SLC35D2: variants seen among roughly 807,000 people sequenced by gnomAD.
SLC35D2 encodes the protein solute carrier family 35 member D2, also known as nucleotide sugar transporter SLC35D2.
A neutral mutation model predicts 41.8 loss-of-function variants in SLC35D2; 43 were observed. The observed-to-expected ratio is 1.03, with a 90% confidence interval of 0.81 to 1.33. The LOEUF is 1.33. SLC35D2 is among the 40% of genes most tolerant of loss of function. The pLI is 0.00. For synonymous variants in SLC35D2, 150 were observed against 163.9 expected (o/e 0.92, Z 0.65); for missense variants, 380 against 408.4 (o/e 0.93, Z 0.60).
chr9:96,317,839 C>G (rs1228571213), downstream of SLC35D2, among the ~76,000 whole-genome samples: 1 of 147,578 alleles, frequency 6.8e-6, no homozygotes, highest in Non-Finnish European at 1.5e-5. Flanking sequence ...ACCTGACCAA[C>G]TGGTGAAACC....
chr9:96,370,066 C>T (rs906248909), intron 1 of SLC35D2, among the ~76,000 whole-genome samples: 6 of 152,056 alleles, frequency 3.9e-5, no homozygotes, highest in African/African-American at 1.4e-4. Context: ...AGAAAGCTGC[C>T]GGATAATAGC....
intron 8 of SLC35D2, among the ~76,000 whole-genome samples, chr9:96,340,722 T>C (rs188188425): frequency 1.3e-5 from 2 of 151,178 alleles, no homozygotes; most frequent in African/African-American, 4.8e-5. Context: ...ATTATGGTTA[T>C]AACTATACTC....
intron 4 of SLC35D2, among the ~76,000 whole-genome samples, chr9:96,354,182 T>A (rs974799447): frequency 6.6e-6 from 1 of 152,246 alleles, no homozygotes; most frequent in Non-Finnish European, 1.5e-5. Flanking sequence ...AAAAAGTGAA[T>A]GTTTTCCGCC....
At chr9:96,314,801 G>A (rs1828011594) in exon 12 of SLC35D2, 1 of 152,148 alleles carries the variant, frequency 6.6e-6, no homozygotes. Context: ...GAGAATTCAG[G>A]TGGTCTTCTC....
intron 3 of SLC35D2, among the ~76,000 whole-genome samples, chr9:96,360,759 G>A (rs926747553): frequency 6.7e-5 from 10 of 149,168 alleles, no homozygotes; most frequent in African/African-American, 2.2e-4. Flanking sequence ...TTTATTTTTT[G>A]AGACAGAGTT....
chr9:96,371,667 G>A (rs1830690362), intron 1 of SLC35D2, among the ~76,000 whole-genome samples: 1 of 144,942 alleles, frequency 6.9e-6, no homozygotes, highest in Non-Finnish European at 1.5e-5. Context: ...AATTCTTTCA[G>A]TTGAACTTCT....
At chr9:96,383,253 C>G (rs1244343241) in intron 1 of SLC35D2, among the ~76,000 whole-genome samples, 1 of 152,200 alleles carries the variant, frequency 6.6e-6, no homozygotes, top group Non-Finnish European at 1.5e-5. Flanking sequence ...CGCCTCGCAG[C>G]AGGGCAGGCG....
rs71368250 is a variant in SLC35D2 at position 96,372,574 on chromosome 9, CTTTTTT to C, written c.159-4275_159-4270del. 1.0e-4 allele frequency among the ~76,000 whole-genome samples: 9 copies of C among 90,166 alleles called. No homozygotes were observed. In the South Asian group the frequency reaches 1.1e-3, roughly 11 times the overall value. 59.2% of individuals were successfully genotyped at this position (90,166 alleles called of 152,430 possible). A position where few individuals can be genotyped will look rare whatever the true frequency, so the allele number is the denominator to read the frequency against. On this transcript the variant is annotated intron_variant, in intron 1 of 11. Transcript: ENST00000253270. ...TCTGAGCTAAATAATTAAATAATTACTTTTTTTTTTTTTTTTTTTTTTTTTTTTGAG... is the reference window on the plus strand; with the variant it reads ...TCTGAGCTAAATAATTAAATAATTACTTTTTTTTTTTTTTTTTTTTTTGAG...
At chr9:96,320,465 G>C (rs185159465), downstream of SLC35D2, among the ~76,000 whole-genome samples, 1 of 150,826 alleles carries the variant, frequency 6.6e-6, no homozygotes, top group Non-Finnish European at 1.5e-5. Context: ...GCAGTGAGCC[G>C]AGATTGCACC....
At chr9:96,375,367 C>G (rs1003741002) in intron 1 of SLC35D2, among the ~76,000 whole-genome samples, 1 of 151,462 alleles carries the variant, frequency 6.6e-6, no homozygotes, top group Non-Finnish European at 1.5e-5. Flanking sequence ...CACCTGATGT[C>G]AGGAGTTCGA....
intron 3 of SLC35D2, among the ~76,000 whole-genome samples, chr9:96,361,427 C>T (rs1190004058): frequency 6.6e-6 from 1 of 152,128 alleles, no homozygotes; most frequent in Admixed American, 6.6e-5. Flanking sequence ...TGGCTCACAC[C>T]TGTAATTCTA....
chr9:96,359,146 T>C (rs1830160547), intron 4 of SLC35D2, among the ~76,000 whole-genome samples: 1 of 151,092 alleles, frequency 6.6e-6, no homozygotes, highest in African/African-American at 2.4e-5. Context: ...CTACTAAAAA[T>C]ACAAAAAATT....
chr9:96,319,179 G>A (rs546497270), downstream of SLC35D2, among the ~76,000 whole-genome samples: 6 of 152,290 alleles, frequency 3.9e-5, no homozygotes, highest in South Asian at 1.0e-3. Context: ...ACATTCAGAC[G>A]TAAGGAAGGA....
chr9:96,353,955 A>G (rs1050932930), intron 4 of SLC35D2, among the ~76,000 whole-genome samples: 1 of 152,214 alleles, frequency 6.6e-6, no homozygotes, highest in Non-Finnish European at 1.5e-5. Flanking sequence ...ACCCCAGCAC[A>G]GGCTTCACAT....
In SLC35D2 at chr9:96,350,347, C is replaced by CTTTTT. The variant is rs57531044; in HGVS notation, c.488+751_488+755dup. Among the ~76,000 whole-genome samples the CTTTTT allele has an allele frequency of 4.0e-4, 36 of 91,006 alleles. 3 individuals are homozygous for CTTTTT. Among genetic ancestry groups the CTTTTT allele is most frequent in the African/African-American group, 9.0e-4 (18 of 20,060 alleles). The allele number at this position is 91,006 out of a possible 152,430, so 59.7% of individuals were successfully genotyped here. ...CACGACGCCAGGCTAATTTTCTTTC[C>CTTTTT]TTTTTTTTTTTTTTTTTTTTTTTTT... On this transcript the variant is annotated intron_variant, in intron 6 of 11. Transcript: ENST00000253270.
intron 9 of SLC35D2, among the ~76,000 whole-genome samples, chr9:96,331,097 C>T (rs978974139): frequency 6.6e-6 from 1 of 152,142 alleles, no homozygotes; most frequent in Non-Finnish European, 1.5e-5. Context: ...AGGGTTTCGC[C>T]ATGTTGGCCA....
rs1829791011 is a variant in SLC35D2 at position 96,351,088 on chromosome 9, A to G, written c.488+15T>C. The stretch of plus-strand genomic sequence containing the variant: ...CACAAAGAAGTTATTGAGCAGAAAC[A>G]GTCCAAAGTCTTACCCAGCTGCTAT... On this transcript the variant is annotated intron_variant, in intron 6 of 11. Coordinates refer to ENST00000253270, the MANE Select transcript of SLC35D2 (RefSeq NM_007001.3). 2 of 1,591,802 alleles carry G rather than the reference A, an allele frequency of 1.3e-6. No individual in the cohort carries two copies. The highest frequency in any genetic ancestry group is 1.1e-5 in the South Asian group (1 of 90,600).
intron 4 of SLC35D2, among the ~76,000 whole-genome samples, chr9:96,359,241 T>C (rs1319840569): frequency 1.4e-5 from 2 of 147,272 alleles, no homozygotes; most frequent in Non-Finnish European, 3.0e-5. Context: ...GAGGCGGAGC[T>C]TGCAGTGAGC....
intron 9 of SLC35D2, among the ~76,000 whole-genome samples, chr9:96,335,067 G>T (rs1478582707): frequency 6.6e-6 from 1 of 152,232 alleles, no homozygotes; most frequent in Non-Finnish European, 1.5e-5. Context: ...ATTGAAGAGT[G>T]TTGATCAAAG....
Sources: allele counts gnomAD v4.1 joint callset (sites outside exome capture counted in the v4.1 genomes callset), GRCh38; gene constraint gnomAD v4.1.1; transcripts MANE v1.5; gene names NCBI Gene and HGNC (gene_info 2026-07-23, HGNC 2026-07-21).